The following YARS2 variants were observed in gnomAD, a reference collection of about 807,000 sequenced individuals.
The protein encoded by YARS2 is tyrosine--tRNA ligase, mitochondrial.
Under a neutral mutation model 45.0 loss-of-function variants are expected in YARS2, and 38 were observed. The ratio of observed to expected loss-of-function variants is 0.84; its 90% CI spans 0.65 to 1.11. The LOEUF (loss-of-function observed/expected upper bound fraction) is 1.11. Ranked by LOEUF, YARS2 falls within the 50% of genes least tolerant of loss-of-function variation. The pLI is 0.00. For synonymous variants in YARS2, 287 were observed against 245.1 expected (o/e 1.17, Z -1.60); for missense variants, 602 against 599.8 (o/e 1.00, Z -0.04).
In YARS2 at chr12:32,747,114, A is replaced by G; in HGVS notation, c.*90T>C. On this transcript the variant is annotated 3_prime_UTR_variant, in exon 5 of 5. Coordinates refer to ENST00000324868, the MANE Select transcript of YARS2 (RefSeq NM_001040436.3). ...CCATTCTGTTTTTCTGATTTGCATA[A>G]GCAAAGGTCTAAGTTCTGGAGCCAA... 1 of 1,390,706 alleles carries G rather than the reference A, an allele frequency of 7.2e-7. No individual in the cohort carries two copies. Among genetic ancestry groups the G allele is most frequent in the Non-Finnish European group, 1.0e-6 (1 of 997,088 alleles). 86.1% of individuals were successfully genotyped at this position (1,390,706 alleles called of 1,614,324 possible). A position where few individuals can be genotyped will look rare whatever the true frequency, so the allele number is the denominator to read the frequency against.
intron 1 of YARS2, 80 bp from the exon 2 acceptor site, chr12:32,754,165 TCTGGTTA>T: frequency 6.4e-7 from 1 of 1,559,630 alleles, no homozygotes; most frequent in Non-Finnish European, 8.8e-7. Flanking sequence ...CAGATTTCTT[TCTGGTTA>T]CTTGCTCCAG....
chr12:32,755,739 C>T lies in YARS2; in HGVS notation c.136G>A (p.Gly46Ser). ...QGLLAAQKAR[G>S]LFKDFFPETG... Reference sequence around the variant, plus strand: ...TCCGGGAAGAAGTCCTTGAACAGACCTCGAGCCTTCTGCGCTGCCAGTAAC... The same window carrying T: ...TCCGGGAAGAAGTCCTTGAACAGACTTCGAGCCTTCTGCGCTGCCAGTAAC... Residue 46 changes from glycine (G) to serine (S), a missense_variant, in exon 1 of 5, where the codon GGT (glycine) becomes AGT (serine). Gly to Ser is a moderately conservative substitution (Grantham distance 56). Transcript: ENST00000324868. 1.9e-6 allele frequency: 3 copies of T among 1,614,036 alleles called. No individual in the cohort carries two copies. Among genetic ancestry groups the T allele is most frequent in the Non-Finnish European group, 2.5e-6 (3 of 1,179,992 alleles).
chr12:32,752,251 T>G (rs1460908041), intron 2 of YARS2, among the ~76,000 whole-genome samples: 1 of 152,216 alleles, frequency 6.6e-6, no homozygotes, highest in Non-Finnish European at 1.5e-5. Flanking sequence ...AAGTACATTA[T>G]TCACAAAGAT....
chr12:32,755,109 C>T lies in YARS2; in HGVS notation c.766G>A (p.Glu256Lys). The stretch of plus-strand genomic sequence containing the variant: ...AAAGGCACTTACTTGTTGATGAACT[C>T]ATATCCGGACATGATGTTGCCTAGT... ...DQLGNIMSGYEFINKLTGEDV... is the reference protein window; with the variant it reads ...DQLGNIMSGYKFINKLTGEDV... Residue 256 changes from glutamate to lysine, a missense_variant, in exon 1 of 5, where the codon GAG (glutamate) becomes AAG (lysine). Glu to Lys is a moderately conservative substitution (Grantham distance 56). Coordinates refer to ENST00000324868, the MANE Select transcript of YARS2 (RefSeq NM_001040436.3). 8.1e-6 allele frequency: 13 copies of T among 1,614,194 alleles called. No homozygotes were observed. Among genetic ancestry groups the T allele is most frequent in the Non-Finnish European group, 1.1e-5 (13 of 1,180,048 alleles).
At chr12:32,751,513 T>C (rs1955744706) in intron 2 of YARS2, among the ~76,000 whole-genome samples, 1 of 152,148 alleles carries the variant, frequency 6.6e-6, no homozygotes, top group African/African-American at 2.4e-5. Context: ...TTCATGTGCA[T>C]GTGGCCATAA....
In YARS2 at chr12:32,750,498, G is replaced by C. The variant is rs1955722123; in HGVS notation, c.1103+221C>G. 2.0e-5 allele frequency among the ~76,000 whole-genome samples: 3 copies of C among 152,154 alleles called. No homozygotes were observed. In the South Asian group the frequency reaches 6.2e-4, roughly 32 times the overall value. On this transcript the variant is annotated intron_variant, in intron 3 of 4. Coordinates refer to ENST00000324868, the MANE Select transcript of YARS2 (RefSeq NM_001040436.3). Reference sequence around the variant, plus strand: ...TTACAGGCGTGAGCCACCGCGCCCGGCATAGACTAAAAGTTTTTTAAACAT... The same window carrying C: ...TTACAGGCGTGAGCCACCGCGCCCGCCATAGACTAAAAGTTTTTTAAACAT...
At chr12:32,748,811 A>G (rs1322999173) in intron 4 of YARS2, among the ~76,000 whole-genome samples, 1 of 152,354 alleles carries the variant, frequency 6.6e-6, no homozygotes, top group African/African-American at 2.4e-5. Context: ...GAGAACAACT[A>G]TAACAAATGT....
intron 2 of YARS2, among the ~76,000 whole-genome samples, chr12:32,753,322 G>A (rs140369851): frequency 1.7e-3 from 255 of 152,152 alleles, no homozygotes; most frequent in African/African-American, 5.9e-3. Flanking sequence ...CTATGAATAT[G>A]GTCTAACTCT....
In YARS2 at chr12:32,746,901, G is replaced by T; in HGVS notation, c.*303C>A. ...ATCACTACAAAAAGGAGAGCAGGAA[G>T]GGTAAGATAGGAAAGCAGCATTTCT... On this transcript the variant is annotated 3_prime_UTR_variant, in exon 5 of 5. Transcript: ENST00000324868. The T allele has an allele frequency of 6.2e-6, 2 of 323,352 alleles. No individual in the cohort carries two copies. The highest frequency in any genetic ancestry group is 1.2e-5 in the Non-Finnish European group (2 of 172,276). 20.0% of individuals were successfully genotyped at this position (323,352 alleles called of 1,614,324 possible).
At chr12:32,754,996 G>A in intron 1 of YARS2, 100 bp downstream of exon 1, 1 of 1,490,940 alleles carries the variant, frequency 6.7e-7, no homozygotes, top group South Asian at 1.1e-5. Flanking sequence ...AACAAGAGCT[G>A]GAACGAAGGG....
Position 32,747,210 on chromosome 12 carries a change from C to T in YARS2, c.1428G>A (p.Gln476=). The T allele has an allele frequency of 6.2e-7, 1 of 1,612,478 alleles. No individual in the cohort carries two copies. Among genetic ancestry groups the T allele is most frequent in the Non-Finnish European group, 8.5e-7 (1 of 1,179,878 alleles). ...CAACCAGAAGGACTTTTCATCACAA[C>T]TGAAGCCATTTTATAATGTAGAAAT... ...KRNFYIIKWL[Q]L is the part of the protein sequence containing the mutation. Residue 476 remains glutamine, a synonymous_variant, in exon 5 of 5, where the codon CAG becomes CAA. Coordinates refer to ENST00000324868, the MANE Select transcript of YARS2 (RefSeq NM_001040436.3).
At position 32,755,211 on chromosome 12, in the gene YARS2, G is replaced by C; in HGVS notation, c.664C>G (p.Gln222Glu). 1.2e-6 allele frequency: 2 copies of C among 1,614,156 alleles called. No homozygotes were observed. The highest frequency in any genetic ancestry group is 1.7e-6 in the Non-Finnish European group (2 of 1,180,040). ...EGMSLAEFFY[Q>E]VLQAYDFYYL... is the part of the protein sequence containing the mutation. ...TAGAAGTCATAGGCCTGGAGCACCT[G>C]GTAAAAGAACTCGGCCAAGCTCATG... is the stretch of plus-strand genomic sequence containing the variant. The change falls in exon 1 of 5, where the codon CAG becomes GAG. Residue 222 changes from glutamine (Q) to glutamate (E), a missense_variant. Transcript: ENST00000324868.
intron 2 of YARS2, chr12:32,752,692 G>GATC: frequency 3.4e-6 from 1 of 293,628 alleles, no homozygotes; most frequent in Admixed American, 4.7e-5. Flanking sequence ...AATGAGCCAA[G>GATC]ATCATGCCAC....
Position 32,755,735 on chromosome 12 carries a change from A to C in YARS2, c.140T>G (p.Leu47Arg). The C allele has an allele frequency of 6.2e-7, 1 of 1,614,140 alleles. No individual in the cohort carries two copies. The highest frequency in any genetic ancestry group is 8.5e-7 in the Non-Finnish European group (1 of 1,180,030). The stretch of plus-strand genomic sequence containing the variant: ...CGTCTCCGGGAAGAAGTCCTTGAAC[A>C]GACCTCGAGCCTTCTGCGCTGCCAG... Reference protein sequence around the residue: ...GLLAAQKARGLFKDFFPETGT... With the variant: ...GLLAAQKARGRFKDFFPETGT... The change falls in exon 1 of 5, where the codon CTG (leucine) becomes CGG (arginine). Residue 47 changes from leucine to arginine, a missense_variant. Coordinates refer to ENST00000324868, the MANE Select transcript of YARS2 (RefSeq NM_001040436.3).
chr12:32,747,277 A>T lies in YARS2; in HGVS notation c.1361T>A (p.Ile454Asn). ...AAGTAAGGAAAGTCCATTCTTGAGAATATGTTGTCCAACAATTAAAACACT... is the reference window on the plus strand; with the variant it reads ...AAGTAAGGAAAGTCCATTCTTGAGATTATGTTGTCCAACAATTAAAACACT... The part of the protein sequence containing the change: ...PESVLIVGQH[I>N]LKNGLSLLKI... Residue 454 changes from isoleucine (I) to asparagine (N), a missense_variant, in exon 5 of 5, where the codon ATT becomes AAT. Coordinates refer to ENST00000324868, the MANE Select transcript of YARS2 (RefSeq NM_001040436.3). 2 of 1,613,936 alleles carry T rather than the reference A, an allele frequency of 1.2e-6. No homozygotes were observed. The highest frequency in any genetic ancestry group is 1.7e-6 in the Non-Finnish European group (2 of 1,179,834).
At chr12:32,752,914 T>C in intron 2 of YARS2, 1 of 281,640 alleles carries the variant, frequency 3.6e-6, no homozygotes, top group Middle Eastern at 4.4e-4. Flanking sequence ...TCTTGGCCAA[T>C]CTTAGCCCTT....
intron 4 of YARS2, 62 bp downstream of exon 4, chr12:32,749,875 C>A: frequency 6.3e-7 from 1 of 1,598,810 alleles, no homozygotes; most frequent in Non-Finnish European, 8.6e-7. Flanking sequence ...CTTCTCCTGG[C>A]CTTGTGAACT....
rs1410110669 is a variant in YARS2 at position 32,746,875 on chromosome 12, C to T, written c.*329G>A. ...ACACTACCTCTTTTTCATTGTTCCT[C>T]ATCACTACAAAAAGGAGAGCAGGAA... On this transcript the variant is annotated 3_prime_UTR_variant, in exon 5 of 5. Transcript: ENST00000324868. 2 of 274,510 alleles carry T rather than the reference C, an allele frequency of 7.3e-6. No homozygotes were observed. The highest frequency in any genetic ancestry group is 1.4e-5 in the Non-Finnish European group (2 of 143,568). The allele number at this position is 274,510 out of a possible 1,614,324, so 17.0% of individuals were successfully genotyped here.
At position 32,755,697 on chromosome 12, in the gene YARS2, C is replaced by CT; in HGVS notation, c.177dup (p.Glu60ArgfsTer90). 1 of 1,614,258 alleles carries CT rather than the reference C, an allele frequency of 6.2e-7. No homozygotes were observed. Among genetic ancestry groups the CT allele is most frequent in the Non-Finnish European group, 8.5e-7 (1 of 1,180,056 alleles). ...CCACGGTCGAAGAGCTCTGGGAGCTCTATTTTCGTCCCCGTCTCCGGGAAG... is the reference window on the plus strand; with the variant it reads ...CCACGGTCGAAGAGCTCTGGGAGCTCTTATTTTCGTCCCCGTCTCCGGGAAG... On this transcript the variant is annotated frameshift_variant, in exon 1 of 5. Coordinates refer to ENST00000324868, the MANE Select transcript of YARS2 (RefSeq NM_001040436.3). LOFTEE classifies it high-confidence loss of function.
Sources: gnomAD v4.1 joint callset for allele counts (sites outside exome capture counted in the v4.1 genomes callset) on GRCh38, gnomAD v4.1.1 for gene constraint, MANE v1.5 for transcripts, NCBI Gene and HGNC (gene_info 2026-07-23, HGNC 2026-07-21) for gene names.